The following PLEKHH2 variants were observed in gnomAD, a reference collection of about 807,000 sequenced individuals.
PLEKHH2 encodes the protein pleckstrin homology domain-containing family H member 2.
In PLEKHH2, 129 loss-of-function variants were observed where a neutral mutation model predicts 187.9. The observed-to-expected ratio is 0.69, with a 90% CI of 0.59 to 0.79. The LOEUF (loss-of-function observed/expected upper bound fraction) is 0.79, where lower values mean the gene tolerates loss of function less well. Ranked by LOEUF, PLEKHH2 falls within the 30% of genes least tolerant of loss-of-function variation. The pLI is 0.00. For missense variants in PLEKHH2, 2,076 were observed against 1,751.2 expected (o/e 1.19, Z -3.31); for synonymous variants, 686 against 605.6 (o/e 1.13, Z -1.95).
chr2:43,757,369 C>A, intron 26 of PLEKHH2, 105 bp downstream of exon 26: 4 of 918,006 alleles, frequency 4.4e-6, no homozygotes, highest in Non-Finnish European at 6.0e-6. Context: ...ACAGCTTTCT[C>A]AAGATTTTTT....
chr2:43,738,395 A>G lies in PLEKHH2; in HGVS notation c.2998A>G (p.Ile1000Val), dbSNP rs1671400245. 6.2e-7 allele frequency: 1 copy of G among 1,613,952 alleles called. No individual in the cohort carries two copies. Among genetic ancestry groups the G allele is most frequent in the Non-Finnish European group, 8.5e-7 (1 of 1,179,872 alleles). Residue 1000 changes from isoleucine (I) to valine (V), a missense_variant, in exon 20 of 30, where the codon ATA becomes GTA. By Grantham distance (29) the Ile-to-Val change is conservative (BLOSUM62 3). Transcript: ENST00000282406. ...AVDSPAIDYH[I>V]SLAQSALQIC... is the part of the protein sequence containing the mutation. ...TGACTCTCCTGCAATTGATTACCAC[A>G]TATCTTTAGCCCAGAGTGCTTTGCA...
intron 17 of PLEKHH2, among the ~76,000 whole-genome samples, chr2:43,729,034 C>G (rs1028957897): frequency 1.3e-5 from 2 of 152,010 alleles, no homozygotes; most frequent in Non-Finnish European, 2.9e-5. Flanking sequence ...TATGGTGTGT[C>G]CATATGTGTA....
At chr2:43,691,296 G>A (rs1668779656) in intron 3 of PLEKHH2, among the ~76,000 whole-genome samples, 2 of 152,188 alleles carry the variant, frequency 1.3e-5, no homozygotes, top group Admixed American at 1.3e-4. Context: ...AGGGGATGTT[G>A]GGGGTGGTCC....
intron 1 of PLEKHH2, among the ~76,000 whole-genome samples, 156 bp downstream of exon 1, chr2:43,637,535 G>T (rs1703165938): frequency 6.6e-6 from 1 of 152,208 alleles, no homozygotes; most frequent in South Asian, 2.1e-4. Flanking sequence ...GGAGCGGGCT[G>T]ACTCGGGATC....
At chr2:43,658,538 T>C (rs1243145779) in intron 2 of PLEKHH2, 1 of 152,258 alleles carries the variant, frequency 6.6e-6, no homozygotes, top group East Asian at 1.9e-4. Context: ...GCCTGGGATG[T>C]AGTAATCTGA....
intron 9 of PLEKHH2, among the ~76,000 whole-genome samples, chr2:43,705,335 C>T (rs573968385): frequency 3.9e-4 from 57 of 144,540 alleles, no homozygotes; most frequent in African/African-American, 1.4e-3. Flanking sequence ...AGCTCACTAC[C>T]GCCTTGAACT....
At chr2:43,762,431 T>C (rs372642827) in intron 28 of PLEKHH2, 41 bp downstream of exon 28, 26 of 1,425,702 alleles carry the variant, frequency 1.8e-5, no homozygotes, top group Non-Finnish European at 2.3e-5. Context: ...GTCAACTGTT[T>C]CCATTGCTCA....
chr2:43,652,431 T>C (rs1413755349), intron 2 of PLEKHH2, among the ~76,000 whole-genome samples: 1 of 152,224 alleles, frequency 6.6e-6, no homozygotes, highest in African/African-American at 2.4e-5. Flanking sequence ...ACACTAAAAA[T>C]AGGGGAACTA....
Position 43,700,324 on chromosome 2 carries a change from A to T in PLEKHH2, c.1366A>T (p.Arg456Trp). The T allele has an allele frequency of 6.2e-7, 1 of 1,614,034 alleles. No homozygotes were observed. Among genetic ancestry groups the T allele is most frequent in the East Asian group, 2.2e-5 (1 of 44,882 alleles). ...VFSISVALAK[R>W]HLSQPQLSSD... ...CAGTATAAGTGTAGCACTAGCCAAA[A>T]GGCACTTAAGCCAGCCACAGTTAAG... is the stretch of plus-strand genomic sequence containing the variant. Residue 456 changes from arginine to tryptophan, a missense_variant, in exon 8 of 30, where the codon AGG (arginine) becomes TGG (tryptophan). Coordinates refer to ENST00000282406, the MANE Select transcript of PLEKHH2 (RefSeq NM_172069.4).
At chr2:43,717,131 G>C (rs931877348) in intron 15 of PLEKHH2, among the ~76,000 whole-genome samples, 1 of 152,134 alleles carries the variant, frequency 6.6e-6, no homozygotes, top group African/African-American at 2.4e-5. Flanking sequence ...AAGAACAAGA[G>C]TGTGGGCCAA....
chr2:43,740,047 T>G (rs1671488593), intron 20 of PLEKHH2, among the ~76,000 whole-genome samples: 2 of 152,208 alleles, frequency 1.3e-5, no homozygotes, highest in South Asian at 4.1e-4. Flanking sequence ...CAATGCCTAT[T>G]TCTCCCTCTT....
chr2:43,649,540 C>T (rs982175718), intron 2 of PLEKHH2, among the ~76,000 whole-genome samples: 1 of 152,178 alleles, frequency 6.6e-6, no homozygotes, highest in African/African-American at 2.4e-5. Flanking sequence ...AGTCCTTGGA[C>T]AGCATAGTAT....
chr2:43,685,758 T>C (rs961475037), intron 3 of PLEKHH2, among the ~76,000 whole-genome samples: 3 of 152,140 alleles, frequency 2.0e-5, no homozygotes, highest in African/African-American at 7.2e-5. Flanking sequence ...AGTGCATCTT[T>C]ATTATTGTTG....
chr2:43,739,319 C>T (rs1190373730), intron 20 of PLEKHH2, among the ~76,000 whole-genome samples: 1 of 152,172 alleles, frequency 6.6e-6, no homozygotes, highest in Non-Finnish European at 1.5e-5. Flanking sequence ...TCACTATTGA[C>T]TCAGGATGCG....
In PLEKHH2 at chr2:43,678,889, T is replaced by A; in HGVS notation, c.150T>A (p.Ile50=). The change falls in exon 3 of 30, where the codon ATT becomes ATA. Residue 50 remains isoleucine, a synonymous_variant. Transcript: ENST00000282406. ...EKMQQLERQV[I]DAERQAEKAF... ...TGCAACAGCTTGAGAGACAAGTTATTGATGCTGAACGTCAAGCAGAAAAAG... is the reference window on the plus strand; with the variant it reads ...TGCAACAGCTTGAGAGACAAGTTATAGATGCTGAACGTCAAGCAGAAAAAG... 6.2e-7 allele frequency: 1 copy of A among 1,608,182 alleles called. No homozygotes were observed. The highest frequency in any genetic ancestry group is 8.5e-7 in the Non-Finnish European group (1 of 1,176,132).
intron 15 of PLEKHH2, among the ~76,000 whole-genome samples, chr2:43,717,318 T>TGAGACAGGAGAATCACTGA (rs1349821954): frequency 6.6e-6 from 1 of 152,116 alleles, no homozygotes; most frequent in African/African-American, 2.4e-5. Context: ...TTCAGGAGGC[T>TGAGACAGGAGAATCACTGA]GAGACAGGAG....
At chr2:43,681,717 G>A in intron 3 of PLEKHH2, 1 of 510,496 alleles carries the variant, frequency 2.0e-6, no homozygotes, top group Admixed American at 3.7e-5. Context: ...AGGCAAGGGA[G>A]CTCCCTGATG....
chr2:43,652,253 G>C (rs1666512874), intron 2 of PLEKHH2, among the ~76,000 whole-genome samples: 1 of 152,160 alleles, frequency 6.6e-6, no homozygotes, highest in South Asian at 2.1e-4. Flanking sequence ...TGAATTAGTT[G>C]ACTCTAAGGG....
At chr2:43,676,298 A>T in intron 2 of PLEKHH2, 2 of 1,611,404 alleles carry the variant, frequency 1.2e-6, no homozygotes, top group South Asian at 1.1e-5. Flanking sequence ...CCCTTAAAAA[A>T]TGATGTCCCA....
Sources: allele counts gnomAD v4.1 joint callset (sites outside exome capture counted in the v4.1 genomes callset), GRCh38; gene constraint gnomAD v4.1.1; transcripts MANE v1.5; gene names NCBI Gene and HGNC (gene_info 2026-07-23, HGNC 2026-07-21).